Variants in CCDC93 observed in about 807,000 individuals in gnomAD.
CCDC93 encodes CCC complex scaffolding subunit CCDC93.
Under a neutral mutation model 108.2 loss-of-function variants are expected in CCDC93, and 61 were observed. The observed-to-expected ratio is 0.56, with a 90% CI of 0.46 to 0.70. The LOEUF is 0.70. CCDC93 is among the 30% of genes least tolerant of loss of function. The pLI, the probability that CCDC93 is intolerant of heterozygous loss-of-function variation, is 0.00. For missense variants in CCDC93, 685 were observed against 764.2 expected (o/e 0.90, Z 1.22); for synonymous variants, 276 against 260.4 (o/e 1.06, Z -0.58).
At chr2:117,924,206 G>C (rs543602676) in intron 23 of CCDC93, among the ~76,000 whole-genome samples, 11 of 152,156 alleles carry the variant, frequency 7.2e-5, no homozygotes, top group Non-Finnish European at 1.3e-4. Flanking sequence ...ACTGGAAACT[G>C]TAAAAATCAG....
Position 117,974,875 on chromosome 2 carries a change from T to C in CCDC93, c.776A>G (p.Lys259Arg), listed in dbSNP as rs377352172. Residue 259 changes from lysine (K) to arginine (R), a missense_variant, in exon 10 of 24, where the codon AAG (lysine) becomes AGG (arginine). Transcript: ENST00000376300. ...EEQRIQSLMT[K>R]MTAMANEESR... Reference sequence around the variant, plus strand: ...CTCCTCATTTGCCATAGCGGTCATCTTGGTCATCAGCGACTGAATACGCTG... The same window carrying C: ...CTCCTCATTTGCCATAGCGGTCATCCTGGTCATCAGCGACTGAATACGCTG... 5.1e-6 allele frequency: 8 copies of C among 1,570,702 alleles called. No homozygotes were observed. The highest frequency in any genetic ancestry group is 4.7e-5 in the South Asian group (4 of 85,300).
At chr2:117,950,917 C>T (rs903343285) in intron 13 of CCDC93, 14 of 985,304 alleles carry the variant, frequency 1.4e-5, no homozygotes, top group African/African-American at 5.2e-5. Context: ...CAAAAAGGAA[C>T]GACGACTGCA....
At chr2:117,970,927 G>C (rs1363712806) in intron 11 of CCDC93, among the ~76,000 whole-genome samples, 2 of 152,104 alleles carry the variant, frequency 1.3e-5, no homozygotes, top group Non-Finnish European at 2.9e-5. Context: ...CCAACACCTA[G>C]AAAACCTCTC....
At chr2:117,947,021 T>C in intron 15 of CCDC93, 139 bp from the exon 16 acceptor site, 1 of 669,016 alleles carries the variant, frequency 1.5e-6, no homozygotes, top group South Asian at 1.8e-5. Context: ...GTAGCTGCCC[T>C]GATCTCCAAT....
chr2:117,939,985 G>A (rs1678647792), intron 19 of CCDC93, among the ~76,000 whole-genome samples: 1 of 152,206 alleles, frequency 6.6e-6, no homozygotes, highest in Non-Finnish European at 1.5e-5. Flanking sequence ...CCAAGAAGTT[G>A]CAGGGAGCCT....
At chr2:117,992,004 G>C (rs1336424430) in intron 6 of CCDC93, among the ~76,000 whole-genome samples, 1 of 152,150 alleles carries the variant, frequency 6.6e-6, no homozygotes, top group Non-Finnish European at 1.5e-5. Flanking sequence ...AGGGAGGAAA[G>C]TTAATGGTGA....
At chr2:117,940,877 G>C (rs148849209) in intron 19 of CCDC93, among the ~76,000 whole-genome samples, 1 of 152,218 alleles carries the variant, frequency 6.6e-6, no homozygotes, top group Admixed American at 6.5e-5. Context: ...CCAGGGTCAC[G>C]ATGTTCCGTG....
chr2:117,986,493 T>A (rs1680323715), intron 6 of CCDC93, among the ~76,000 whole-genome samples: 1 of 152,130 alleles, frequency 6.6e-6, no homozygotes, highest in Admixed American at 6.5e-5. Context: ...CAGCAAGGTA[T>A]TCGGGCTGCT....
In CCDC93 at chr2:117,918,037, CTA is replaced by C. The variant is rs1460873055; in HGVS notation, c.*2304_*2305del. The C allele has an allele frequency of 7.8e-6, 1 of 128,900 alleles. No individual in the cohort carries two copies. Among genetic ancestry groups the C allele is most frequent in the Non-Finnish European group, 1.7e-5 (1 of 59,574 alleles). 8.0% of individuals were successfully genotyped at this position (128,900 alleles called of 1,614,324 possible). A position where few individuals can be genotyped will look rare whatever the true frequency, so the allele number is the denominator to read the frequency against. ...TGTGGGCTTAGAGCACAATTCCATA[CTA>C]TGTCTGTCTAAGCACACAGAGCCAT... is the stretch of plus-strand genomic sequence containing the variant. On this transcript the variant is annotated 3_prime_UTR_variant, in exon 24 of 24. Coordinates refer to ENST00000376300, the MANE Select transcript of CCDC93 (RefSeq NM_019044.5).
chr2:117,958,332 T>A, intron 12 of CCDC93, 33 bp downstream of exon 12: 1 of 1,353,074 alleles, frequency 7.4e-7, no homozygotes, highest in Non-Finnish European at 1.1e-6. Flanking sequence ...ACCATGAAGA[T>A]CTTGAATAAA....
In CCDC93 at chr2:117,958,682, A is replaced by G. The variant is rs1679294954; in HGVS notation, c.889-201T>C. ...CAAAATCCCTATCAACAGAACCTGC[A>G]TTCTGGGCTGAGGGAACAGCATGTG... On this transcript the variant is annotated intron_variant, in intron 11 of 23. Coordinates refer to ENST00000376300, the MANE Select transcript of CCDC93 (RefSeq NM_019044.5). Among the ~76,000 whole-genome samples, 3 of 152,212 alleles carry G rather than the reference A, an allele frequency of 2.0e-5. No homozygotes were observed. In the South Asian group the frequency reaches 6.2e-4, roughly 32 times the overall value.
At chr2:117,930,898 C>T (rs1326079773) in intron 23 of CCDC93, 139 bp downstream of exon 23, 1 of 592,328 alleles carries the variant, frequency 1.7e-6, no homozygotes, top group East Asian at 2.8e-5. Context: ...CCACACTTCA[C>T]TGCCAGATCA....
At position 117,915,859 on chromosome 2, in the gene CCDC93, A is replaced by G. The variant is rs1677667477; in HGVS notation, c.*4484T>C. On this transcript the variant is annotated 3_prime_UTR_variant, in exon 24 of 24. Transcript: ENST00000376300. ...GGCTTTTTTCCTCACTTAATCATGC[A>G]TCTTGGGGCCCATTCTATGGTAGTA... The G allele has an allele frequency of 6.6e-6, 1 of 152,172 alleles. No homozygotes were observed. The highest frequency in any genetic ancestry group is 1.5e-5 in the Non-Finnish European group (1 of 68,020). The allele number at this position is 152,172 out of a possible 1,614,324, so 9.4% of individuals were successfully genotyped here.
At chr2:117,954,269 A>AG (rs1047070166) in intron 12 of CCDC93, among the ~76,000 whole-genome samples, 1 of 152,146 alleles carries the variant, frequency 6.6e-6, no homozygotes, top group Non-Finnish European at 1.5e-5. Context: ...TTAAAATATG[A>AG]GAAGAGATGG....
At chr2:117,999,502 T>C (rs561381148) in intron 4 of CCDC93, 2 of 152,142 alleles carry the variant, frequency 1.3e-5, no homozygotes, top group Non-Finnish European at 2.9e-5. Context: ...AGATGGGAAG[T>C]AGTGTTCACA....
chr2:117,962,675 T>C (rs1448384641), intron 11 of CCDC93, among the ~76,000 whole-genome samples: 3 of 152,106 alleles, frequency 2.0e-5, no homozygotes, highest in Non-Finnish European at 4.4e-5. Flanking sequence ...AAACAGACTA[T>C]GTGAAATATT....
intron 14 of CCDC93, among the ~76,000 whole-genome samples, chr2:117,948,431 G>A (rs761409333): frequency 5.9e-5 from 9 of 152,168 alleles, no homozygotes; most frequent in Admixed American, 1.3e-4. Context: ...CAATTAAAAT[G>A]TCAACTATAG....
intron 15 of CCDC93, 115 bp from the exon 16 acceptor site, chr2:117,946,997 G>A (rs1400474820): frequency 2.6e-5 from 21 of 812,674 alleles, no homozygotes; most frequent in Middle Eastern, 5.2e-4. Flanking sequence ...ATTCTGGGAC[G>A]AAAAGCTAAT....
At chr2:117,937,480 A>T (rs1041950176) in intron 20 of CCDC93, among the ~76,000 whole-genome samples, 1 of 152,254 alleles carries the variant, frequency 6.6e-6, no homozygotes, top group African/African-American at 2.4e-5. Context: ...GGAAGGTTTT[A>T]AACTATCATA....
Sources: allele counts gnomAD v4.1 joint callset (sites outside exome capture counted in the v4.1 genomes callset), GRCh38; gene constraint gnomAD v4.1.1; transcripts MANE v1.5; gene names NCBI Gene and HGNC (gene_info 2026-07-23, HGNC 2026-07-21).